The following ERG variants were observed in gnomAD, a reference collection of about 807,000 sequenced individuals.
The protein encoded by ERG is transcriptional regulator ERG.
Under a neutral mutation model 55.3 loss-of-function variants are expected in ERG, and 9 were observed. That is an observed-to-expected ratio of 0.16 (90% CI 0.10 to 0.28). The LOEUF (loss-of-function observed/expected upper bound fraction) is 0.28. Ranked by LOEUF, ERG falls within the 10% of genes least tolerant of loss-of-function variation. The pLI is 1.00. For missense variants in ERG, 434 were observed against 631.6 expected, an observed-to-expected ratio of 0.69 and a Z score of 3.35; for synonymous variants, 223 against 237.3, an observed-to-expected ratio of 0.94 and a Z score of 0.55.
chr21:38,396,636 G>A (rs1366687875), intron 6 of ERG, among the ~76,000 whole-genome samples: 4 of 152,208 alleles, frequency 2.6e-5, no homozygotes, highest in Non-Finnish European at 5.9e-5. Flanking sequence ...AAAGGATGGG[G>A]TTGCAGAACA....
intron 1 of ERG, among the ~76,000 whole-genome samples, chr21:38,582,866 C>T (rs2060038785): frequency 6.6e-6 from 1 of 152,150 alleles, no homozygotes; most frequent in Non-Finnish European, 1.5e-5. Context: ...CCTGCCTCAG[C>T]CTCCCGAGCA....
chr21:38,588,586 C>T (rs958956149), upstream of ERG, among the ~76,000 whole-genome samples: 1 of 152,198 alleles, frequency 6.6e-6, no homozygotes, highest in Admixed American at 6.5e-5. Flanking sequence ...TAGCAGCCAA[C>T]AAAACCTCCC....
chr21:38,551,109 T>G (rs2059821478), intron 2 of ERG, among the ~76,000 whole-genome samples: 1 of 152,124 alleles, frequency 6.6e-6, no homozygotes, highest in Admixed American at 6.5e-5. Flanking sequence ...CCTTTTTTTC[T>G]GGGTTTTCTA....
chr21:38,375,627 A>C (rs1569047170), downstream of ERG, among the ~76,000 whole-genome samples: 1 of 152,224 alleles, frequency 6.6e-6, no homozygotes, highest in Non-Finnish European at 1.5e-5. Flanking sequence ...GAAGAACTGG[A>C]TTGAGAAAAG....
In ERG at chr21:38,575,859, A is replaced by G. The variant is rs546209895; in HGVS notation, c.-126-112T>C. The G allele has an allele frequency of 3.2e-5, 26 of 815,236 alleles. No homozygotes were observed. The South Asian group carries it at 4.1e-4, about 13-fold the overall frequency. 50.5% of individuals were successfully genotyped at this position (815,236 alleles called of 1,614,324 possible). On this transcript the variant is annotated intron_variant, in intron 1 of 8. Coordinates refer to the ERG transcript ENST00000398897. ...AATGGCAAAAGAATCATAGCTTTAC[A>G]TTAAACATGTTTGCCTAAAGGCATC...
At chr21:38,416,175 T>C (rs1212473612) in intron 3 of ERG, among the ~76,000 whole-genome samples, 1 of 152,214 alleles carries the variant, frequency 6.6e-6, no homozygotes, top group Non-Finnish European at 1.5e-5. Context: ...CAAAGACTCA[T>C]GCTGGGTGTC....
At chr21:38,465,267 T>C (rs1304866328) in intron 1 of ERG, among the ~76,000 whole-genome samples, 2 of 152,176 alleles carry the variant, frequency 1.3e-5, no homozygotes, top group Admixed American at 6.5e-5. Context: ...CAGAGACTTT[T>C]TGAAAAATTA....
At position 38,405,558 on chromosome 21, in the gene ERG, G is replaced by C. The variant is rs150205555; in HGVS notation, c.389-1849C>G. The stretch of plus-strand genomic sequence containing the variant: ...ATCACAGTTGATAACAGCTCCCCCA[G>C]GTGACTCTAATGAGCAGCCAAGGTT... On this transcript the variant is annotated intron_variant, in intron 3 of 9. Transcript: ENST00000288319. Among the ~76,000 whole-genome samples the C allele has an allele frequency of 1.2e-3, 185 of 152,258 alleles. 1 individual carries two copies. The highest frequency in any genetic ancestry group is 4.2e-3 in the African/African-American group (174 of 41,560).
chr21:38,476,745 G>A (rs752357272), intron 1 of ERG, among the ~76,000 whole-genome samples: 3 of 152,092 alleles, frequency 2.0e-5, no homozygotes, highest in Non-Finnish European at 2.9e-5. Flanking sequence ...GAAATTCCAC[G>A]TAAACGGCCT....
At position 38,382,722 on chromosome 21, in the gene ERG, C is replaced by T. The variant is rs905394701; in HGVS notation, c.*681G>A. Reference sequence around the variant, plus strand: ...CTTCACCCCTCTGTCTACAATCACACGCTCACTCTATACACATCCTCAGTC... The same window carrying T: ...CTTCACCCCTCTGTCTACAATCACATGCTCACTCTATACACATCCTCAGTC... On this transcript the variant is annotated 3_prime_UTR_variant, in exon 10 of 10. Coordinates refer to ENST00000288319, the MANE Select transcript of ERG (RefSeq NM_182918.4). 2.2e-5 allele frequency: 23 copies of T among 1,066,588 alleles called. No homozygotes were observed. Among genetic ancestry groups the T allele is most frequent in the African/African-American group, 8.2e-5 (5 of 61,124 alleles). 66.1% of individuals were successfully genotyped at this position (1,066,588 alleles called of 1,614,324 possible).
At position 38,381,601 on chromosome 21, in the gene ERG, G is replaced by A. The variant is rs1475888716; in HGVS notation, c.*1802C>T. ...GTGAGAAATTGCAGCTATCCATGACGCTTTATTTGCCAGTAATAATACAGT... is the reference window on the plus strand; with the variant it reads ...GTGAGAAATTGCAGCTATCCATGACACTTTATTTGCCAGTAATAATACAGT... On this transcript the variant is annotated 3_prime_UTR_variant, in exon 10 of 10. Transcript: ENST00000288319. The A allele has an allele frequency of 3.8e-6, 4 of 1,062,534 alleles. No individual in the cohort carries two copies. Among genetic ancestry groups the A allele is most frequent in the East Asian group, 5.1e-5 (1 of 19,758 alleles). 65.8% of individuals were successfully genotyped at this position (1,062,534 alleles called of 1,614,324 possible).
chr21:38,501,031 A>G (rs895471502), upstream of ERG, among the ~76,000 whole-genome samples: 1 of 151,576 alleles, frequency 6.6e-6, no homozygotes, highest in Non-Finnish European at 1.5e-5. Flanking sequence ...TTTTAAAAAA[A>G]TCTTTGGCTC....
intron 1 of ERG, among the ~76,000 whole-genome samples, chr21:38,493,451 G>A (rs1238527790): frequency 6.6e-6 from 1 of 152,242 alleles, no homozygotes; most frequent in East Asian, 1.9e-4. Flanking sequence ...GGAATTTGCT[G>A]TGGTTGGTTA....
chr21:38,375,763 T>C (rs143959939), downstream of ERG, among the ~76,000 whole-genome samples: 263 of 152,334 alleles, frequency 1.7e-3, no homozygotes, highest in Middle Eastern at 6.8e-3. Flanking sequence ...TTACTTGGTG[T>C]GTATAACACT....
chr21:38,659,406 T>G (rs1160158011), intron 1 of ERG, among the ~76,000 whole-genome samples: 1 of 152,256 alleles, frequency 6.6e-6, no homozygotes, highest in Non-Finnish European at 1.5e-5. Flanking sequence ...ATGAAGGCTA[T>G]GAGCTCTGGC....
At chr21:38,423,326 T>A in intron 3 of ERG, 84 bp downstream of exon 3, 1 of 1,412,618 alleles carries the variant, frequency 7.1e-7, no homozygotes, top group South Asian at 1.3e-5. Context: ...ATGCCACAGG[T>A]GGGGGAGAAG....
chr21:38,429,665 A>ATGTGTG (rs774645396), intron 2 of ERG, among the ~76,000 whole-genome samples: 1 of 87,616 alleles, frequency 1.1e-5, no homozygotes, highest in African/African-American at 4.8e-5. Context: ...ATATATACAT[A>ATGTGTG]TATGTGTATA....
chr21:38,533,433 T>C (rs2059686789), intron 2 of ERG, among the ~76,000 whole-genome samples: 1 of 152,200 alleles, frequency 6.6e-6, no homozygotes, highest in South Asian at 2.1e-4. Flanking sequence ...CTGCTTGCAC[T>C]TTTTCCTTCA....
rs181464382 is a variant in ERG, at chr21:38,415,435, C to A, written c.388+7975G>T. On this transcript the variant is annotated intron_variant, in intron 3 of 9. Coordinates refer to ENST00000288319, the MANE Select transcript of ERG (RefSeq NM_182918.4). ...AACCCAATGGTGGTTTCCTCAACCG[C>A]TATTCAGCTGATAACTTTAAAATAC... Among the ~76,000 whole-genome samples the A allele has an allele frequency of 2.0e-5, 3 of 152,304 alleles. 1 individual carries two copies. The highest frequency in any genetic ancestry group is 1.3e-4 in the Admixed American group (2 of 15,308).
Sources: allele counts gnomAD v4.1 joint callset (sites outside exome capture counted in the v4.1 genomes callset), GRCh38; gene constraint gnomAD v4.1.1; transcripts MANE v1.5; gene names NCBI Gene and HGNC (gene_info 2026-07-23, HGNC 2026-07-21).